Variants in POLR2F observed in about 807,000 individuals in gnomAD.
POLR2F encodes the protein DNA-directed RNA polymerases I, II, and III subunit RPABC2.
POLR2F carries 12 observed loss-of-function variants against 22.7 expected under a neutral mutation model. The ratio of observed to expected loss-of-function variants is 0.53; its 90% CI spans 0.34 to 0.86. POLR2F has a LOEUF of 0.86. Among genes scored for constraint, POLR2F ranks in the 40% least tolerant of loss-of-function variants. The probability of loss-of-function intolerance (pLI) is 0.02; values close to 1 mark genes in which losing one functional copy is unlikely to be tolerated. For synonymous variants in POLR2F, 57 were observed against 66.0 expected (o/e 0.86, Z 0.66); for missense variants, 126 against 171.5 (o/e 0.73, Z 1.48).
chr22:37,987,417 C>T (rs974440785), intron 1 of POLR2F: 6 of 394,808 alleles, frequency 1.5e-5, no homozygotes, highest in African/African-American at 1.2e-4. Flanking sequence ...TGACCCTTCA[C>T]CCCCCAGCTC....
chr22:37,957,449 C>T (rs984169026), intron 2 of POLR2F, among the ~76,000 whole-genome samples: 33 of 151,972 alleles, frequency 2.2e-4, no homozygotes, highest in African/African-American at 6.8e-4. Flanking sequence ...TGAGTGGTGA[C>T]GAGGACGACT....
chr22:37,998,215 C>T (rs1203868597), intron 1 of POLR2F, among the ~76,000 whole-genome samples: 2 of 152,206 alleles, frequency 1.3e-5, no homozygotes, highest in Admixed American at 6.5e-5. Context: ...TTTTACTCAA[C>T]GGAGCAATTT....
Position 37,968,698 on chromosome 22 carries a change from C to T in POLR2F, c.*983C>T. On this transcript the variant is annotated 3_prime_UTR_variant, in exon 5 of 5. Transcript: ENST00000442738. ...GACATGAACAGGGATAGAGGGTAAA[C>T]TGGCTCCCTGAATATGCCAGCCTTA... The T allele has an allele frequency of 1.0e-6, 1 of 985,444 alleles. No homozygotes were observed. Among genetic ancestry groups the T allele is most frequent in the Non-Finnish European group, 1.2e-6 (1 of 829,926 alleles). The allele number at this position is 985,444 out of a possible 1,614,324, so 61.0% of individuals were successfully genotyped here. A position where few individuals can be genotyped will look rare whatever the true frequency, so the allele number is the denominator to read the frequency against.
downstream of POLR2F, chr22:37,972,841 G>A (rs1428585118): frequency 6.5e-6 from 1 of 153,702 alleles, no homozygotes; most frequent in African/African-American, 2.4e-5. Flanking sequence ...CTCAGACAAA[G>A]AATGAGGTTA....
chr22:38,038,603 T>C (rs949675306), intron 5 of POLR2F, among the ~76,000 whole-genome samples: 1 of 151,934 alleles, frequency 6.6e-6, no homozygotes, highest in African/African-American at 2.4e-5. Context: ...TCTCTCCCTG[T>C]CTCTCTCTGC....
Position 37,997,192 on chromosome 22 carries a change from C to G in POLR2F, c.120+10880C>G, listed in dbSNP as rs1216234103. On this transcript the variant is annotated intron_variant, in intron 1 of 2. Coordinates refer to the POLR2F transcript ENST00000333418. The surrounding 1 kb of genome is among the most constrained non-coding windows in gnomAD (Gnocchi z 4.4). ...CCTGAGCTTCCCAGCCGGAGTCTCC[C>G]CTCCATCCCCTCCTCTGAAGGCCTC... is the stretch of plus-strand genomic sequence containing the variant. Among the ~76,000 whole-genome samples, 9 of 152,102 alleles carry G rather than the reference C, an allele frequency of 5.9e-5. No homozygotes were observed. Among genetic ancestry groups the G allele is most frequent in the Non-Finnish European group, 5.9e-5 (4 of 67,988 alleles).
intron 1 of POLR2F, among the ~76,000 whole-genome samples, chr22:37,991,907 G>T (rs139891): frequency 0.59 from 89,631 of 152,000 alleles, 26,703 homozygotes; most frequent in East Asian, 0.75. Context: ...CACCTCCTCC[G>T]TGGTGCCTGT....
chr22:37,965,965 G>A (rs949142319), intron 3 of POLR2F, among the ~76,000 whole-genome samples: 5 of 152,196 alleles, frequency 3.3e-5, no homozygotes, highest in Admixed American at 3.3e-4. Flanking sequence ...CTTGGTGGTA[G>A]AGTCCCCACT....
intron 2 of POLR2F, among the ~76,000 whole-genome samples, chr22:37,957,351 G>A (rs1304101320): frequency 6.6e-6 from 1 of 152,226 alleles, no homozygotes; most frequent in African/African-American, 2.4e-5. Flanking sequence ...TGAGAGGCCT[G>A]TGGCTTGGAC....
At position 37,968,449 on chromosome 22, in the gene POLR2F, C is replaced by G; in HGVS notation, c.*734C>G. 1 of 985,904 alleles carries G rather than the reference C, an allele frequency of 1.0e-6. No homozygotes were observed. Among genetic ancestry groups the G allele is most frequent in the Non-Finnish European group, 1.2e-6 (1 of 830,232 alleles). 61.1% of individuals were successfully genotyped at this position (985,904 alleles called of 1,614,324 possible). A position where few individuals can be genotyped will look rare whatever the true frequency, so the allele number is the denominator to read the frequency against. On this transcript the variant is annotated 3_prime_UTR_variant, in exon 5 of 5. Coordinates refer to ENST00000442738, the MANE Select transcript of POLR2F (RefSeq NM_021974.5). ...GCCTCTATAAGATATCCTTTCCCTC[C>G]TATTTGGGGCTGGTGATCCCCTGAG...
At chr22:38,038,873 C>A (rs967842581) in intron 5 of POLR2F, among the ~76,000 whole-genome samples, 3 of 151,388 alleles carry the variant, frequency 2.0e-5, no homozygotes, top group African/African-American at 7.3e-5. Context: ...GCACTGGCGG[C>A]CGCCATCTTG....
At chr22:38,010,602 G>GGTTTTTTTTTTTTTTTTTTTTTT (rs1382349551) in intron 1 of POLR2F, among the ~76,000 whole-genome samples, 2 of 60,890 alleles carry the variant, frequency 3.3e-5, no homozygotes, top group African/African-American at 1.4e-4. Context: ...AATTCCTTGT[G>GGTTTTTTTTTTTTTTTTTTTTTT]TTTTTTTTTT....
At chr22:37,991,487 A>T (rs1450319604) in intron 1 of POLR2F, among the ~76,000 whole-genome samples, 1 of 152,256 alleles carries the variant, frequency 6.6e-6, no homozygotes, top group African/African-American at 2.4e-5. Flanking sequence ...TAAGCATGCT[A>T]AAAGTTCTAA....
At chr22:38,008,412 G>A (rs1286834398) in intron 1 of POLR2F, among the ~76,000 whole-genome samples, 1 of 151,872 alleles carries the variant, frequency 6.6e-6, no homozygotes, top group African/African-American at 2.4e-5. Context: ...GGGCGTGGTG[G>A]TGCACGCCTA....
chr22:38,030,693 G>T (rs1398613281), downstream of POLR2F, among the ~76,000 whole-genome samples: 1 of 152,180 alleles, frequency 6.6e-6, no homozygotes, highest in Non-Finnish European at 1.5e-5. Flanking sequence ...TTATGCACTG[G>T]GTGATTCAGG....
rs116911726 is a variant in POLR2F, at chr22:37,996,819, C to T, written c.120+10507C>T. Among the ~76,000 whole-genome samples the T allele has an allele frequency of 1.4e-3, 208 of 152,336 alleles. 6 individuals carry two copies. The East Asian group carries it at 0.029, about 21-fold the overall frequency. The stretch of plus-strand genomic sequence containing the variant: ...CAAGCCCTTGGGGAGTTTTAAAAGA[C>T]TAATTCCCAGGCCCCATTCTGAGTG... On this transcript the variant is annotated intron_variant, in intron 1 of 2. Transcript: ENST00000333418.
chr22:37,974,268 A>C (rs913045246), downstream of POLR2F: 1 of 1,215,292 alleles, frequency 8.2e-7, no homozygotes, highest in Non-Finnish European at 1.2e-6. This position sits in a 1 kb window ranked among gnomAD's most constrained non-coding sequence, Gnocchi z 5.4. Flanking sequence ...GGCGCACGTG[A>C]ACTTCCATGG....
rs111325436 is a variant in POLR2F at position 37,979,061 on chromosome 22, G to A, written c.293+11891G>A. On this transcript the variant is annotated intron_variant, in intron 4 of 4. Coordinates refer to the POLR2F transcript ENST00000405557. ...CAAAGTGCTGGGATTACAGGCATGA[G>A]CCATTGTGCCCAGCCCAAGAGGTAC... Among the ~76,000 whole-genome samples the A allele has an allele frequency of 4.9e-3, 741 of 152,008 alleles. 11 individuals carry two copies. Among genetic ancestry groups the A allele is most frequent in the African/African-American group, 0.017 (702 of 41,460 alleles).
At chr22:37,966,626 T>C (rs558956660) in intron 3 of POLR2F, among the ~76,000 whole-genome samples, 29 of 151,766 alleles carry the variant, frequency 1.9e-4, no homozygotes, top group African/African-American at 6.5e-4. Context: ...ATACAAAAAA[T>C]AAAAAAATTA....
Sources: gnomAD v4.1 joint callset for allele counts (sites outside exome capture counted in the v4.1 genomes callset) on GRCh38, gnomAD v4.1.1 for gene constraint, Gnocchi (gnomAD v3.1) non-coding constraint, MANE v1.5 for transcripts, NCBI Gene and HGNC (gene_info 2026-07-23, HGNC 2026-07-21) for gene names.